Variants in MGAT5 observed in about 807,000 individuals in gnomAD.
The protein encoded by MGAT5 is alpha-1,6-mannosylglycoprotein 6-beta-N-acetylglucosaminyltransferase A.
MGAT5 carries 30 observed loss-of-function variants against 94.3 expected under a neutral mutation model. The observed-to-expected ratio is 0.32, with a 90% CI of 0.24 to 0.43. MGAT5 has a LOEUF of 0.43. MGAT5 is among the 20% of genes least tolerant of loss of function. MGAT5 has a pLI of 1.00. For synonymous variants in MGAT5, 310 were observed against 322.9 expected (o/e 0.96, Z 0.43); for missense variants, 691 against 905.5 (o/e 0.76, Z 3.04).
chr2:134,174,423 C>G (rs1172974560), intron 1 of MGAT5, among the ~76,000 whole-genome samples: 2 of 152,262 alleles, frequency 1.3e-5, no homozygotes, highest in African/African-American at 4.8e-5. Flanking sequence ...TCACTCACCT[C>G]TATGCCATGC....
intron 1 of MGAT5, among the ~76,000 whole-genome samples, chr2:134,149,285 A>G (rs1054239615): frequency 1.3e-5 from 2 of 152,182 alleles, no homozygotes; most frequent in African/African-American, 2.4e-5. Flanking sequence ...CTGTTGTGCA[A>G]TGTACAAGAT....
chr2:134,359,975 T>C lies in MGAT5; in HGVS notation c.1247-2300T>C, dbSNP rs557661103. ...CTTATGTGGTCAAGGTTTAGTGTCC[T>C]GTGGCAAGTTTAGAGTCACCTGGGA... On this transcript the variant is annotated intron_variant, in intron 9 of 15. Coordinates refer to ENST00000281923, the MANE Select transcript of MGAT5 (RefSeq NM_002410.5). 5.4e-4 allele frequency among the ~76,000 whole-genome samples: 82 copies of C among 152,292 alleles called. 1 individual carries two copies. The highest frequency in any genetic ancestry group is 4.6e-4 in the Non-Finnish European group (31 of 68,026).
chr2:134,257,057 C>T (rs1683007451), intron 1 of MGAT5, among the ~76,000 whole-genome samples: 1 of 152,144 alleles, frequency 6.6e-6, no homozygotes, highest in African/African-American at 2.4e-5. Context: ...TCAGGGGTCT[C>T]TACCCACTAG....
chr2:134,166,833 A>C (rs1186482075), intron 1 of MGAT5, among the ~76,000 whole-genome samples: 2 of 152,242 alleles, frequency 1.3e-5, no homozygotes, highest in African/African-American at 4.8e-5. Flanking sequence ...CAGGACCCGT[A>C]GAAAGCTTTA....
chr2:134,205,311 G>C (rs548569634), intron 1 of MGAT5, among the ~76,000 whole-genome samples: 4 of 152,166 alleles, frequency 2.6e-5, no homozygotes, highest in Middle Eastern at 3.2e-3. Flanking sequence ...GCAGGAAGAC[G>C]AGCTAGGAGC....
chr2:134,197,917 C>G (rs1464466687), intron 1 of MGAT5, among the ~76,000 whole-genome samples: 2 of 152,146 alleles, frequency 1.3e-5, no homozygotes, highest in Admixed American at 1.3e-4. Context: ...TTTTTTTCTA[C>G]TCCTGTTCCA....
intron 2 of MGAT5, among the ~76,000 whole-genome samples, chr2:134,294,530 G>A (rs112161292): frequency 0.017 from 2,647 of 152,216 alleles, 88 homozygotes; most frequent in African/African-American, 0.06. Context: ...GAATGCCAAG[G>A]GCTTGGTTTT....
At chr2:134,288,315 C>A (rs936503477) in intron 2 of MGAT5, among the ~76,000 whole-genome samples, 3 of 152,168 alleles carry the variant, frequency 2.0e-5, no homozygotes, top group African/African-American at 7.2e-5. Flanking sequence ...GGAATTAGAT[C>A]AGTAGTTGGC....
intron 1 of MGAT5, among the ~76,000 whole-genome samples, chr2:134,168,943 A>G (rs1688074440): frequency 6.6e-6 from 1 of 152,186 alleles, no homozygotes; most frequent in East Asian, 1.9e-4. Context: ...TCAACCTGAC[A>G]GGTTCCAGTG....
intron 2 of MGAT5, among the ~76,000 whole-genome samples, chr2:134,296,733 A>C (rs957528793): frequency 5.3e-5 from 8 of 152,214 alleles, no homozygotes; most frequent in South Asian, 2.1e-4. Context: ...TGATTAGGAA[A>C]AAAAATATGC....
chr2:134,170,599 G>A (rs1378759447), intron 1 of MGAT5, among the ~76,000 whole-genome samples: 1 of 152,152 alleles, frequency 6.6e-6, no homozygotes, highest in Non-Finnish European at 1.5e-5. Flanking sequence ...TGATTATACA[G>A]TATGCTCTTC....
intron 2 of MGAT5, among the ~76,000 whole-genome samples, chr2:134,311,241 T>A (rs898601418): frequency 5.3e-5 from 8 of 152,212 alleles, no homozygotes; most frequent in Non-Finnish European, 1.5e-5. Flanking sequence ...TTTATAAACC[T>A]ACTTTTTCTT....
At chr2:134,423,031 C>T (rs963828041) in intron 13 of MGAT5, 112 bp downstream of exon 13, 1 of 735,686 alleles carries the variant, frequency 1.4e-6, no homozygotes, top group African/African-American at 1.8e-5. Flanking sequence ...ATCAGCTTAA[C>T]TCTGGAATTA....
intron 9 of MGAT5, among the ~76,000 whole-genome samples, chr2:134,353,005 A>C (rs991065757): frequency 2.0e-5 from 3 of 152,222 alleles, no homozygotes; most frequent in Non-Finnish European, 2.9e-5. Context: ...GGTAGTCAAA[A>C]TCATAGAAGC....
At chr2:134,158,175 T>C (rs553921908) in intron 1 of MGAT5, among the ~76,000 whole-genome samples, 74 of 152,332 alleles carry the variant, frequency 4.9e-4, no homozygotes, top group African/African-American at 1.5e-3. Flanking sequence ...AGGCCATCCC[T>C]GGCGTGAAGG....
chr2:134,308,475 A>G (rs1686462749), intron 2 of MGAT5, among the ~76,000 whole-genome samples: 2 of 152,172 alleles, frequency 1.3e-5, no homozygotes, highest in African/African-American at 4.8e-5. Flanking sequence ...CTACTAGCCC[A>G]TGGAAAGTGT....
intron 1 of MGAT5, among the ~76,000 whole-genome samples, chr2:134,228,457 T>C (rs1681177567): frequency 6.6e-6 from 1 of 152,246 alleles, no homozygotes; most frequent in Admixed American, 6.5e-5. Context: ...ATATCTGACA[T>C]TTTCCAGATG....
intron 14 of MGAT5, among the ~76,000 whole-genome samples, chr2:134,429,728 C>T (rs1369895251): frequency 6.6e-6 from 1 of 152,160 alleles, no homozygotes; most frequent in Non-Finnish European, 1.5e-5. Flanking sequence ...TCACGAGAAA[C>T]CATTTGAATC....
At chr2:134,298,853 G>A (rs1685851750) in intron 2 of MGAT5, among the ~76,000 whole-genome samples, 1 of 152,098 alleles carries the variant, frequency 6.6e-6, no homozygotes, top group African/African-American at 2.4e-5. Context: ...TATGAAAGAC[G>A]ATTCCAGGCA....
Sources: gnomAD v4.1 joint callset for allele counts (sites outside exome capture counted in the v4.1 genomes callset) on GRCh38, gnomAD v4.1.1 for gene constraint, MANE v1.5 for transcripts, NCBI Gene and HGNC (gene_info 2026-07-23, HGNC 2026-07-21) for gene names.